Variants in DPYD observed in about 807,000 individuals in gnomAD.
DPYD encodes the protein dihydropyrimidine dehydrogenase [NADP(+)].
A neutral mutation model predicts 116.2 loss-of-function variants in DPYD; 109 were observed. The observed-to-expected ratio is 0.94, with a 90% confidence interval of 0.80 to 1.10. The LOEUF is 1.10. Among genes scored for constraint, DPYD ranks in the 50% least tolerant of loss-of-function variants. DPYD has a pLI of 0.00. For missense variants in DPYD, 1,302 were observed against 1,254.5 expected (o/e 1.04, Z -0.57); for synonymous variants, 440 against 432.0 (o/e 1.02, Z -0.23).
At chr1:97,365,413 C>T (rs80216782) in intron 16 of DPYD, among the ~76,000 whole-genome samples, 14,919 of 152,180 alleles carry the variant, frequency 0.098, 964 homozygotes, top group Non-Finnish European at 0.14. Flanking sequence ...AGACCATAGC[C>T]TCTCCTCCAT....
At chr1:97,294,284 CTTGTTTATTT>C (rs1666387567) in intron 18 of DPYD, among the ~76,000 whole-genome samples, 1 of 152,054 alleles carries the variant, frequency 6.6e-6, no homozygotes, top group Admixed American at 6.6e-5. Flanking sequence ...GTTTAACCTT[CTTGTTTATTT>C]TTGTTTATTT....
chr1:97,677,364 A>T lies in DPYD; in HGVS notation c.850+1731T>A, dbSNP rs144274479. On this transcript the variant is annotated intron_variant, in intron 8 of 22. Transcript: ENST00000370192. ...TCTTTTAGTACATTGGTGAATTTCAAATAGTTATTTGATAACATTATTAGT... is the reference window on the plus strand; with the variant it reads ...TCTTTTAGTACATTGGTGAATTTCATATAGTTATTTGATAACATTATTAGT... Among the ~76,000 whole-genome samples, 366 of 152,294 alleles carry T rather than the reference A, an allele frequency of 2.4e-3. 5 individuals carry two copies. The highest frequency in any genetic ancestry group is 8.4e-3 in the African/African-American group (351 of 41,576).
intron 19 of DPYD, among the ~76,000 whole-genome samples, chr1:97,223,743 T>C (rs1004391669): frequency 6.6e-6 from 1 of 152,074 alleles, no homozygotes; most frequent in Non-Finnish European, 1.5e-5. Flanking sequence ...ACTTGAATAC[T>C]AGAAAGAAGA....
At position 97,736,833 on chromosome 1, in the gene DPYD, G is replaced by T. The variant is rs896562721; in HGVS notation, c.321+3559C>A. ...GGAATATAACAGAGATAGAGGTGGG[G>T]GTGTGTGTGTGTGCATTTGTGTGTG... On this transcript the variant is annotated intron_variant, in intron 4 of 22. Transcript: ENST00000370192. Among the ~76,000 whole-genome samples, 40 of 143,572 alleles carry T rather than the reference G, an allele frequency of 2.8e-4. 1 individual carries two copies. The highest frequency in any genetic ancestry group is 9.2e-4 in the South Asian group (4 of 4,332). 94.2% of individuals were successfully genotyped at this position (143,572 alleles called of 152,430 possible). A position where few individuals can be genotyped will look rare whatever the true frequency, so the allele number is the denominator to read the frequency against.
chr1:97,293,437 C>T (rs1244759920), intron 18 of DPYD, among the ~76,000 whole-genome samples: 1 of 152,138 alleles, frequency 6.6e-6, no homozygotes, highest in Non-Finnish European at 1.5e-5. Context: ...TTTACTTGAC[C>T]TTTCTGTGTC....
chr1:97,148,269 G>A (rs1002317044), intron 20 of DPYD, among the ~76,000 whole-genome samples: 3 of 150,354 alleles, frequency 2.0e-5, no homozygotes, highest in African/African-American at 4.9e-5. Context: ...GGGTGTGTGT[G>A]TTCTTTTGGG....
At chr1:97,080,938 T>C (rs1353137493) in intron 22 of DPYD, among the ~76,000 whole-genome samples, 1 of 152,152 alleles carries the variant, frequency 6.6e-6, no homozygotes, top group Non-Finnish European at 1.5e-5. Flanking sequence ...AGATTTAAGA[T>C]ATTAGAGAGC....
chr1:97,351,572 ATAGAAGAAATCATGTCCGTGG>A lies in DPYD; in HGVS notation c.2058+21968_2058+21988del, dbSNP rs541838726. Among the ~76,000 whole-genome samples the A allele has an allele frequency of 3.4e-3, 525 of 152,232 alleles. 2 individuals are homozygous for A. The highest frequency in any genetic ancestry group is 0.012 in the African/African-American group (509 of 41,548). ...AATTATAAAGGACATGAATACAGAGATAGAAGAAATCATGTCCGTGGTAGAAGACAGTACACTAACTTTTTT... is the reference window on the plus strand; with the variant it reads ...AATTATAAAGGACATGAATACAGAGATAGAAGACAGTACACTAACTTTTTT... On this transcript the variant is annotated intron_variant, in intron 16 of 22. Coordinates refer to ENST00000370192, the MANE Select transcript of DPYD (RefSeq NM_000110.4).
At chr1:97,523,624 T>G (rs927869716) in intron 12 of DPYD, among the ~76,000 whole-genome samples, 3 of 152,154 alleles carry the variant, frequency 2.0e-5, no homozygotes, top group Non-Finnish European at 4.4e-5. Context: ...CAAAATATTT[T>G]TTGCTTCCAC....
rs1354746668 is a variant in DPYD, at chr1:97,566,611, G to GTAAA, written c.1339+7145_1339+7148dup. Among the ~76,000 whole-genome samples, 8 of 152,150 alleles carry GTAAA rather than the reference G, an allele frequency of 5.3e-5. No individual in the cohort carries two copies. In the East Asian group the frequency reaches 1.4e-3, roughly 26 times the overall value. On this transcript the variant is annotated intron_variant, in intron 11 of 22. Coordinates refer to ENST00000370192, the MANE Select transcript of DPYD (RefSeq NM_000110.4). ...TTAATCTGTTCTTTGAAACTTCATT[G>GTAAA]TAAATATTTGTTTATTAAAATGCAT...
intron 13 of DPYD, among the ~76,000 whole-genome samples, chr1:97,453,077 G>T (rs978517729): frequency 2.6e-5 from 4 of 151,984 alleles, no homozygotes; most frequent in Admixed American, 6.6e-5. Context: ...CCCTTGGATA[G>T]ATCCCTGAAC....
chr1:97,746,327 T>A (rs1018358964), intron 3 of DPYD, among the ~76,000 whole-genome samples: 2 of 152,154 alleles, frequency 1.3e-5, no homozygotes, highest in Admixed American at 6.6e-5. Context: ...AACATACTTT[T>A]ATTAGCATAT....
At chr1:97,257,452 T>TATATATAGAGAGAGAGAGAG (rs375490078) in intron 18 of DPYD, among the ~76,000 whole-genome samples, 158 of 126,446 alleles carry the variant, frequency 1.2e-3, no homozygotes, top group South Asian at 6.2e-3. Context: ...TATATATATA[T>TATATATAGAGAGAGAGAGAG]AGAGAGAGAG....
chr1:97,254,090 T>C (rs1327699555), intron 18 of DPYD, among the ~76,000 whole-genome samples: 1 of 152,132 alleles, frequency 6.6e-6, no homozygotes, highest in Non-Finnish European at 1.5e-5. Flanking sequence ...CCAGGAGCTA[T>C]CACTTTTTAT....
chr1:97,872,748 A>G (rs1233704237), intron 2 of DPYD, among the ~76,000 whole-genome samples: 2 of 151,892 alleles, frequency 1.3e-5, no homozygotes, highest in Admixed American at 6.6e-5. Flanking sequence ...TAACCAGACT[A>G]TAGAACTTTT....
At chr1:97,503,155 A>C (rs1679690793) in intron 13 of DPYD, among the ~76,000 whole-genome samples, 1 of 147,896 alleles carries the variant, frequency 6.8e-6, no homozygotes, top group Non-Finnish European at 1.5e-5. Flanking sequence ...ATACTTAATA[A>C]GATAATATTT....
chr1:97,579,152 G>A (rs945563400), intron 10 of DPYD, among the ~76,000 whole-genome samples: 1 of 152,104 alleles, frequency 6.6e-6, no homozygotes, highest in African/African-American at 2.4e-5. Flanking sequence ...CAGAATATAT[G>A]CCAGTCAATA....
At chr1:97,081,417 A>T (rs1006417790) in intron 22 of DPYD, among the ~76,000 whole-genome samples, 2 of 151,980 alleles carry the variant, frequency 1.3e-5, no homozygotes, top group Non-Finnish European at 2.9e-5. Context: ...CTTTCTCCAA[A>T]CTCTACTTCT....
At chr1:97,914,756 G>T (rs1674134637) in intron 1 of DPYD, among the ~76,000 whole-genome samples, 1 of 152,062 alleles carries the variant, frequency 6.6e-6, no homozygotes, top group Admixed American at 6.6e-5. Flanking sequence ...GAAATGAAAT[G>T]GGTCTCTTTA....
Sources: allele counts gnomAD v4.1 joint callset (sites outside exome capture counted in the v4.1 genomes callset), GRCh38; gene constraint gnomAD v4.1.1; transcripts MANE v1.5; gene names NCBI Gene and HGNC (gene_info 2026-07-23, HGNC 2026-07-21).